The following MAN1C1 variants were observed in gnomAD, a reference collection of about 807,000 sequenced individuals.
The protein encoded by MAN1C1 is mannosidase alpha class 1C member 1.
A neutral mutation model predicts 71.5 loss-of-function variants in MAN1C1; 49 were observed. The ratio of observed to expected loss-of-function variants is 0.69; its 90% CI spans 0.54 to 0.87. The LOEUF (loss-of-function observed/expected upper bound fraction) is 0.87, where lower values mean the gene tolerates loss of function less well. Among genes scored for constraint, MAN1C1 ranks in the 40% least tolerant of loss-of-function variants. MAN1C1 has a pLI of 0.00. For missense variants in MAN1C1, 743 were observed against 835.0 expected (o/e 0.89, Z 1.36); for synonymous variants, 352 against 343.7 (o/e 1.02, Z -0.27).
chr1:25,759,492 C>T (rs934941300), intron 6 of MAN1C1: 6 of 152,230 alleles, frequency 3.9e-5, no homozygotes, highest in Admixed American at 3.3e-4. Flanking sequence ...GCCTTGTCTT[C>T]CCCCTGGAAT....
intron 2 of MAN1C1, among the ~76,000 whole-genome samples, chr1:25,724,026 CTTTTT>C (rs1209904579): frequency 7.4e-6 from 1 of 135,476 alleles, no homozygotes; most frequent in African/African-American, 2.7e-5. Flanking sequence ...GACTGCCTAC[CTTTTT>C]TTTTTTTTTT....
intron 1 of MAN1C1, among the ~76,000 whole-genome samples, chr1:25,672,204 G>A (rs2046002226): frequency 1.3e-5 from 2 of 152,186 alleles, no homozygotes; most frequent in African/African-American, 2.4e-5. Flanking sequence ...CCTAGCTCCA[G>A]AAGAGAGAGA....
At chr1:25,741,584 G>C (rs965542670) in intron 2 of MAN1C1, among the ~76,000 whole-genome samples, 5 of 152,202 alleles carry the variant, frequency 3.3e-5, no homozygotes, top group Admixed American at 1.3e-4. Flanking sequence ...ATTATAAAGT[G>C]ACAGGGACAG....
At chr1:25,723,198 T>C (rs2046789965) in intron 2 of MAN1C1, among the ~76,000 whole-genome samples, 1 of 152,242 alleles carries the variant, frequency 6.6e-6, no homozygotes, top group Non-Finnish European at 1.5e-5. Flanking sequence ...GATGGCACCC[T>C]GTGCCTCAGC....
intron 5 of MAN1C1, among the ~76,000 whole-genome samples, chr1:25,756,725 G>A (rs532638053): frequency 2.0e-5 from 3 of 152,208 alleles, no homozygotes; most frequent in Admixed American, 1.3e-4. Flanking sequence ...TGTCTCCGTC[G>A]TCTTCCGCCT....
chr1:25,778,318 C>A lies in MAN1C1; in HGVS notation c.1471C>A (p.Arg491Ser), dbSNP rs764714305. ...ITKTCHESYA[R>S]SDTKLGPEAF... ...CAAGACGTGTCACGAGTCATACGCC[C>A]GCTCAGGTAACCCTGCAAGGGGAAG... Residue 491 changes from arginine (R) to serine (S), a missense_variant, in exon 9 of 12, where the codon CGC becomes AGC. Transcript: ENST00000374332. This position sits in a 1 kb window ranked among gnomAD's most constrained non-coding sequence, Gnocchi z 5.5. The A allele has an allele frequency of 1.9e-6, 3 of 1,607,900 alleles. No individual in the cohort carries two copies. In the South Asian group the frequency reaches 3.3e-5, roughly 18 times the overall value.
chr1:25,676,314 C>T (rs929986906), intron 1 of MAN1C1, among the ~76,000 whole-genome samples: 3 of 152,112 alleles, frequency 2.0e-5, no homozygotes, highest in Non-Finnish European at 4.4e-5. Flanking sequence ...GGGTTGGAGG[C>T]AGCATCTCCC....
intron 2 of MAN1C1, among the ~76,000 whole-genome samples, chr1:25,741,137 A>C (rs189863234): frequency 1.3e-5 from 2 of 152,072 alleles, no homozygotes; most frequent in South Asian, 2.1e-4. Flanking sequence ...GGAGACATGC[A>C]TGCAGAGTTG....
At chr1:25,748,489 G>C (rs1179428014) in intron 3 of MAN1C1, among the ~76,000 whole-genome samples, 1 of 152,200 alleles carries the variant, frequency 6.6e-6, no homozygotes, top group Non-Finnish European at 1.5e-5. Flanking sequence ...GCTCCCCTGT[G>C]TCCTGTGTTC....
At chr1:25,702,148 G>A (rs2046453524) in intron 2 of MAN1C1, among the ~76,000 whole-genome samples, 1 of 152,154 alleles carries the variant, frequency 6.6e-6, no homozygotes, top group Admixed American at 6.5e-5. Flanking sequence ...CACCCGAGAG[G>A]AGGCTAATGC....
chr1:25,624,883 CTG>C (rs1280172740), intron 1 of MAN1C1, among the ~76,000 whole-genome samples: 1 of 151,844 alleles, frequency 6.6e-6, no homozygotes, highest in African/African-American at 2.4e-5. Context: ...ATCACTAAGA[CTG>C]TTTGCTTCCC....
intron 1 of MAN1C1, among the ~76,000 whole-genome samples, chr1:25,665,377 T>C (rs899486091): frequency 1.3e-5 from 2 of 152,084 alleles, no homozygotes; most frequent in Non-Finnish European, 2.9e-5. Flanking sequence ...ATCTATGGGG[T>C]GAAAAATGGA....
chr1:25,675,639 C>G (rs1367840729), intron 1 of MAN1C1, among the ~76,000 whole-genome samples: 1 of 146,144 alleles, frequency 6.8e-6, no homozygotes, highest in Non-Finnish European at 1.5e-5. Context: ...AATGATAGTT[C>G]TACTTTTAGT....
At chr1:25,690,437 C>T (rs764916078) in intron 2 of MAN1C1, among the ~76,000 whole-genome samples, 6 of 152,090 alleles carry the variant, frequency 3.9e-5, no homozygotes, top group African/African-American at 1.2e-4. Flanking sequence ...GGATTAGAGG[C>T]GTGTGCCACC....
At chr1:25,673,859 C>T (rs2046027196) in intron 1 of MAN1C1, among the ~76,000 whole-genome samples, 1 of 152,150 alleles carries the variant, frequency 6.6e-6, no homozygotes, top group Non-Finnish European at 1.5e-5. Context: ...TCACAGGTGA[C>T]GGTAAGGCTC....
At chr1:25,723,482 G>A (rs766574961) in intron 2 of MAN1C1, among the ~76,000 whole-genome samples, 1 of 152,174 alleles carries the variant, frequency 6.6e-6, no homozygotes, top group East Asian at 1.9e-4. Context: ...TCTTGGCTTT[G>A]CTGAGTCAGC....
intron 1 of MAN1C1, among the ~76,000 whole-genome samples, chr1:25,643,751 C>T (rs928301439): frequency 2.6e-5 from 4 of 151,966 alleles, no homozygotes; most frequent in African/African-American, 9.7e-5. Context: ...AAGTGATCCA[C>T]CCGCCTCTGC....
At chr1:25,704,022 G>A (rs919903968) in intron 2 of MAN1C1, among the ~76,000 whole-genome samples, 1 of 152,172 alleles carries the variant, frequency 6.6e-6, no homozygotes, top group Non-Finnish European at 1.5e-5. Context: ...CCTGCCCACA[G>A]ACGCCCCTGC....
chr1:25,692,382 T>G (rs888218710), intron 2 of MAN1C1, among the ~76,000 whole-genome samples: 1 of 152,196 alleles, frequency 6.6e-6, no homozygotes, highest in African/African-American at 2.4e-5. Flanking sequence ...TCACTCTCTT[T>G]CTAAAATATA....
Sources: gnomAD v4.1 joint callset for allele counts (sites outside exome capture counted in the v4.1 genomes callset) on GRCh38, gnomAD v4.1.1 for gene constraint, Gnocchi (gnomAD v3.1) non-coding constraint, MANE v1.5 for transcripts, NCBI Gene and HGNC (gene_info 2026-07-23, HGNC 2026-07-21) for gene names.